FRMD5: variants seen among roughly 807,000 people sequenced by gnomAD.
FRMD5 encodes FERM domain containing 5, also known as FERM domain-containing protein 5.
Under a neutral mutation model 69.0 loss-of-function variants are expected in FRMD5, and 20 were observed. The ratio of observed to expected loss-of-function variants is 0.29; its 90% CI spans 0.20 to 0.42. The LOEUF is 0.42. FRMD5 is among the 10% of genes least tolerant of loss of function. The probability of loss-of-function intolerance (pLI) is 1.00; values close to 1 mark genes in which losing one functional copy is unlikely to be tolerated. For synonymous variants in FRMD5, 271 were observed against 260.1 expected, an observed-to-expected ratio of 1.04 and a Z score of -0.40; for missense variants, 595 against 708.6, an observed-to-expected ratio of 0.84 and a Z score of 1.82.
chr15:43,941,293 C>A (rs762557215), intron 1 of FRMD5, among the ~76,000 whole-genome samples: 12 of 152,100 alleles, frequency 7.9e-5, no homozygotes, highest in Non-Finnish European at 1.5e-4. Context: ...GCTGTGTTGC[C>A]CACGTTGGGG....
intron 1 of FRMD5, among the ~76,000 whole-genome samples, chr15:43,994,753 T>C (rs1198473721): frequency 6.6e-6 from 1 of 152,238 alleles, no homozygotes; most frequent in African/African-American, 2.4e-5. Flanking sequence ...TAAATAGTTT[T>C]GCCTAACCTT....
At chr15:43,939,987 G>C (rs1195144038) in intron 1 of FRMD5, among the ~76,000 whole-genome samples, 1 of 152,144 alleles carries the variant, frequency 6.6e-6, no homozygotes, top group Non-Finnish European at 1.5e-5. Context: ...GACCAGCCTG[G>C]CCAACAGGGT....
Position 44,017,684 on chromosome 15 carries a change from C to A in FRMD5, c.103-93375G>T, listed in dbSNP as rs191963898. Among the ~76,000 whole-genome samples the A allele has an allele frequency of 2.1e-3, 318 of 150,892 alleles. 1 individual carries two copies. The highest frequency in any genetic ancestry group is 7.0e-3 in the African/African-American group (288 of 41,048). Reference sequence around the variant, plus strand: ...TGCATGGTGCGATCTCGGCTCACTGCAAGCTCCGTCTCCCGGGTTCACGCC... The same window carrying A: ...TGCATGGTGCGATCTCGGCTCACTGAAAGCTCCGTCTCCCGGGTTCACGCC... On this transcript the variant is annotated intron_variant, in intron 1 of 13. Coordinates refer to ENST00000417257, the MANE Select transcript of FRMD5 (RefSeq NM_032892.5).
chr15:43,983,009 C>T (rs528577185), intron 1 of FRMD5, among the ~76,000 whole-genome samples: 96 of 152,310 alleles, frequency 6.3e-4, no homozygotes, highest in African/African-American at 2.2e-3. Flanking sequence ...TGGCTCACTG[C>T]AACCTCCACT....
At chr15:44,190,776 T>C (rs2078179764) in intron 1 of FRMD5, among the ~76,000 whole-genome samples, 1 of 152,182 alleles carries the variant, frequency 6.6e-6, no homozygotes, top group African/African-American at 2.4e-5. Flanking sequence ...TGAAGTGAAG[T>C]TAACATAGCA....
chr15:43,980,180 G>A (rs1183626181), intron 1 of FRMD5, among the ~76,000 whole-genome samples: 1 of 152,126 alleles, frequency 6.6e-6, no homozygotes, highest in Non-Finnish European at 1.5e-5. Flanking sequence ...TATAAAGTAT[G>A]CTTCCAAAAA....
chr15:44,146,766 A>G (rs182269569), intron 1 of FRMD5, among the ~76,000 whole-genome samples: 12 of 151,962 alleles, frequency 7.9e-5, no homozygotes, highest in Admixed American at 7.9e-4. Flanking sequence ...GCTTTTTTTC[A>G]TATGTTTGTT....
At chr15:44,042,223 C>G (rs1044225049) in intron 1 of FRMD5, among the ~76,000 whole-genome samples, 1 of 152,154 alleles carries the variant, frequency 6.6e-6, no homozygotes, top group Non-Finnish European at 1.5e-5. Context: ...CCTCCTAAGA[C>G]TAAACCAGGA....
intron 1 of FRMD5, among the ~76,000 whole-genome samples, chr15:44,128,112 A>G (rs1229908376): frequency 6.6e-6 from 1 of 152,238 alleles, no homozygotes; most frequent in African/African-American, 2.4e-5. Flanking sequence ...CTTCTGAGAA[A>G]AAAAGCAATC....
chr15:44,026,447 G>GT (rs1419242482), intron 1 of FRMD5, among the ~76,000 whole-genome samples: 2 of 152,038 alleles, frequency 1.3e-5, no homozygotes, highest in Non-Finnish European at 2.9e-5. Context: ...GTTCTATCTA[G>GT]TTTTTTTCCC....
chr15:43,874,313 T>G lies in FRMD5; in HGVS notation c.1285A>C (p.Ser429Arg). The G allele has an allele frequency of 6.2e-7, 1 of 1,614,238 alleles. No homozygotes were observed. The highest frequency in any genetic ancestry group is 8.5e-7 in the Non-Finnish European group (1 of 1,180,042). Residue 429 changes from serine (S) to arginine (R), a missense_variant, in exon 14 of 14, where the codon AGC (serine) becomes CGC (arginine). By Grantham distance (110) the Ser-to-Arg change is moderately radical. Around this residue, in one of 5 missense-constraint regions of FRMD5, gnomAD observed 245 missense variants for 227.1 expected, o/e 1.08. Transcript: ENST00000417257. ...TCAGCCACAGGGGTGGGCAGCACGC[T>G]GTCTGCAGGGCTGTAGGCCTCGTCT... is the stretch of plus-strand genomic sequence containing the variant. Reference protein sequence around the residue: ...IADEAYSPADSVLPTPVAEHS... With the variant: ...IADEAYSPADRVLPTPVAEHS...
chr15:44,177,098 G>T (rs897659392), intron 1 of FRMD5, among the ~76,000 whole-genome samples: 7 of 152,088 alleles, frequency 4.6e-5, no homozygotes, highest in Non-Finnish European at 4.4e-5. Context: ...TTTGAAAAAG[G>T]GTTTGGCAGT....
At chr15:43,881,420 G>GCT (rs1479892369) in intron 13 of FRMD5, among the ~76,000 whole-genome samples, 2 of 152,172 alleles carry the variant, frequency 1.3e-5, no homozygotes, top group Non-Finnish European at 2.9e-5. Context: ...ACACCAGGAG[G>GCT]CTGTGTCTCA....
chr15:43,972,386 T>C lies in FRMD5; in HGVS notation c.103-48077A>G, dbSNP rs371839343. 2.3e-4 allele frequency among the ~76,000 whole-genome samples: 35 copies of C among 152,318 alleles called. No individual in the cohort carries two copies. The East Asian group carries it at 4.6e-3, about 20-fold the overall frequency. The stretch of plus-strand genomic sequence containing the variant: ...TTTGCTTGGATTTTCTTCACCTTAC[T>C]TTATTGAGTTTTAATTAAATATAGC... On this transcript the variant is annotated intron_variant, in intron 1 of 13. Transcript: ENST00000417257.
chr15:43,875,390 A>ATATATATATATATATATG lies in FRMD5; in HGVS notation c.1136-929_1136-928insCATATATATATATATATA, dbSNP rs1385798025. Among the ~76,000 whole-genome samples, 19 of 124,782 alleles carry ATATATATATATATATATG rather than the reference A, an allele frequency of 1.5e-4. No homozygotes were observed. In the East Asian group the frequency reaches 2.1e-3, roughly 14 times the overall value. The allele number at this position is 124,782 out of a possible 152,430, so 81.9% of individuals were successfully genotyped here. On this transcript the variant is annotated intron_variant, in intron 13 of 13. Coordinates refer to ENST00000417257, the MANE Select transcript of FRMD5 (RefSeq NM_032892.5). ...TATATATATATATATATATATATAT[A>ATATATATATATATATATG]TATGTATGTATGAAACAAGAGAAGG...
At chr15:44,006,529 T>C (rs995184229) in intron 1 of FRMD5, among the ~76,000 whole-genome samples, 4 of 152,232 alleles carry the variant, frequency 2.6e-5, no homozygotes, top group Non-Finnish European at 5.9e-5. Context: ...ATTCCTCTGA[T>C]GGATCTAGGC....
intron 9 of FRMD5, 75 bp downstream of exon 9, chr15:43,888,734 T>A: frequency 7.6e-7 from 1 of 1,321,284 alleles, no homozygotes; most frequent in South Asian, 1.2e-5. Context: ...CTGGGGTCCC[T>A]CAAGCTTGGC....
At chr15:43,914,969 C>T (rs150148803) in intron 4 of FRMD5, among the ~76,000 whole-genome samples, 5 of 152,182 alleles carry the variant, frequency 3.3e-5, no homozygotes, top group East Asian at 3.9e-4. Context: ...TCAGGTGATC[C>T]GCCCACCTCA....
At chr15:44,159,675 AT>A (rs2077582637) in intron 1 of FRMD5, among the ~76,000 whole-genome samples, 1 of 152,218 alleles carries the variant, frequency 6.6e-6, no homozygotes, top group Non-Finnish European at 1.5e-5. Context: ...ATCAGGAAGC[AT>A]TGGTAATTCT....
Sources: allele counts gnomAD v4.1 joint callset (sites outside exome capture counted in the v4.1 genomes callset), GRCh38; gene constraint gnomAD v4.1.1; regional missense constraint gnomAD v4.1.1; transcripts MANE v1.5; gene names NCBI Gene and HGNC (gene_info 2026-07-23, HGNC 2026-07-21).